SLC30A10: variants seen among roughly 807,000 people sequenced by gnomAD.
The protein encoded by SLC30A10 is solute carrier family 30 member 10, also known as calcium/manganese antiporter SLC30A10.
SLC30A10 carries 8 observed loss-of-function variants against 21.7 expected under a neutral mutation model. The ratio of observed to expected loss-of-function variants is 0.37; its 90% CI spans 0.22 to 0.67. The LOEUF (loss-of-function observed/expected upper bound fraction) is 0.67, where lower values mean the gene tolerates loss of function less well. Ranked by LOEUF, SLC30A10 falls within the 30% of genes least tolerant of loss-of-function variation. SLC30A10 has a pLI of 0.58. For synonymous variants in SLC30A10, 272 were observed against 279.4 expected (o/e 0.97, Z 0.26); for missense variants, 521 against 642.5 (o/e 0.81, Z 2.04).
chr1:219,957,977 A>G (rs144262332), intron 1 of SLC30A10, among the ~76,000 whole-genome samples: 50 of 152,334 alleles, frequency 3.3e-4, no homozygotes, highest in African/African-American at 1.1e-3. Flanking sequence ...TGCAATAAAT[A>G]AGTGCAAATT....
Position 219,927,933 on chromosome 1 carries a change from G to A in SLC30A10, c.508C>T (p.Pro170Ser). ...CGCCGCGGGTCCTCCGCGCCCTGAG[G>A]CCCCCCGAAAGCGCCGGGGACACAG... ...EGCVPGAFGG[P>S]QGAEDPRRAA... The change falls in exon 1 of 4, where the codon CCT becomes TCT. Residue 170 changes from proline to serine, a missense_variant. By Grantham distance (74) the Pro-to-Ser change is moderately conservative. Transcript: ENST00000366926. The A allele has an allele frequency of 6.5e-7, 1 of 1,537,748 alleles. No individual in the cohort carries two copies. The highest frequency in any genetic ancestry group is 8.8e-7 in the Non-Finnish European group (1 of 1,142,034).
rs539710374 is a variant in SLC30A10 at position 219,915,012 on chromosome 1, G to A, written c.*437C>T. 6.4e-6 allele frequency: 1 copy of A among 156,854 alleles called. No homozygotes were observed. Among genetic ancestry groups the A allele is most frequent in the South Asian group, 2.0e-4 (1 of 5,066 alleles). The allele number at this position is 156,854 out of a possible 1,614,324, so 9.7% of individuals were successfully genotyped here. A position where few individuals can be genotyped will look rare whatever the true frequency, so the allele number is the denominator to read the frequency against. ...CTCTTTTATGATCGTTAAGGGGATT[G>A]GGAAAAATACAGCTATTGTGGTACT... On this transcript the variant is annotated 3_prime_UTR_variant, in exon 4 of 4. Coordinates refer to ENST00000366926, the MANE Select transcript of SLC30A10 (RefSeq NM_018713.3).
Position 219,927,940 on chromosome 1 carries a change from G to A in SLC30A10, c.501C>T (p.Phe167=), listed in dbSNP as rs1659884423. The A allele has an allele frequency of 9.8e-6, 15 of 1,537,966 alleles. No individual in the cohort carries two copies. Among genetic ancestry groups the A allele is most frequent in the Non-Finnish European group, 1.3e-5 (15 of 1,142,158 alleles). The change falls in exon 1 of 4, where the codon TTC becomes TTT. Residue 167 remains phenylalanine (F), a synonymous_variant. Transcript: ENST00000366926. ...QLAEGCVPGA[F]GGPQGAEDPR... ...GGTCCTCCGCGCCCTGAGGCCCCCCGAAAGCGCCGGGGACACAGCCCTCCG... is the reference window on the plus strand; with the variant it reads ...GGTCCTCCGCGCCCTGAGGCCCCCCAAAAGCGCCGGGGACACAGCCCTCCG...
At chr1:219,930,142 G>A (rs1558255740), upstream of SLC30A10, among the ~76,000 whole-genome samples, 4 of 151,404 alleles carry the variant, frequency 2.6e-5, no homozygotes, top group Non-Finnish European at 5.9e-5. Flanking sequence ...GAATACAAAT[G>A]TCTTATTCCA....
intron 1 of SLC30A10, among the ~76,000 whole-genome samples, chr1:219,942,116 C>A (rs1053864512): frequency 6.6e-6 from 1 of 152,182 alleles, no homozygotes; most frequent in African/African-American, 2.4e-5. Flanking sequence ...TATAACTGTT[C>A]TAGCTCTGGG....
chr1:219,951,065 A>T (rs1047697517), intron 1 of SLC30A10, among the ~76,000 whole-genome samples: 2 of 152,172 alleles, frequency 1.3e-5, no homozygotes, highest in Non-Finnish European at 2.9e-5. Context: ...GGCTCAGGTG[A>T]TCCTCCCACC....
Position 219,922,492 on chromosome 1 carries a change from G to A in SLC30A10, c.719-3998C>T, listed in dbSNP as rs541689038. On this transcript the variant is annotated intron_variant, in intron 2 of 3. Coordinates refer to ENST00000366926, the MANE Select transcript of SLC30A10 (RefSeq NM_018713.3). ...GGCATTTCAGACAGAAACACCTCAC[G>A]GGAGACTCGTGGGAAACTGAAGATG... Among the ~76,000 whole-genome samples, 5 of 152,002 alleles carry A rather than the reference G, an allele frequency of 3.3e-5. No individual in the cohort carries two copies. The East Asian group carries it at 7.8e-4, about 24-fold the overall frequency.
chr1:219,954,305 T>A (rs17006899), intron 1 of SLC30A10, among the ~76,000 whole-genome samples: 5,031 of 151,636 alleles, frequency 0.033, 225 homozygotes, highest in African/African-American at 0.096. Context: ...CTCTAGCGAG[T>A]TGGTTGGAGA....
intron 1 of SLC30A10, among the ~76,000 whole-genome samples, chr1:219,954,301 C>T (rs530675095): frequency 5.3e-5 from 8 of 151,942 alleles, no homozygotes; most frequent in African/African-American, 1.7e-4. Flanking sequence ...CTGCCTCTAG[C>T]GAGTTGGTTG....
At chr1:219,951,322 A>C (rs1332042076) in intron 1 of SLC30A10, among the ~76,000 whole-genome samples, 1 of 152,074 alleles carries the variant, frequency 6.6e-6, no homozygotes, top group Non-Finnish European at 1.5e-5. Flanking sequence ...GTGCTTAAGT[A>C]TCTTTTCCAG....
chr1:219,947,317 G>A (rs972114898), intron 1 of SLC30A10, among the ~76,000 whole-genome samples: 5 of 152,108 alleles, frequency 3.3e-5, no homozygotes, highest in African/African-American at 1.2e-4. Context: ...TTGCTTGAGG[G>A]CAGGAGTTCG....
chr1:219,917,393 T>C (rs1659568938), intron 3 of SLC30A10, among the ~76,000 whole-genome samples: 2 of 152,138 alleles, frequency 1.3e-5, no homozygotes, highest in Admixed American at 1.3e-4. Context: ...ATTTCCTCAA[T>C]TGGGAAATGA....
At chr1:219,927,777 C>A (rs2102534932) in intron 1 of SLC30A10, 24 bp downstream of exon 1, 1 of 1,520,962 alleles carries the variant, frequency 6.6e-7, no homozygotes, top group South Asian at 1.2e-5. Flanking sequence ...GCCAAGCGGT[C>A]CAAAGGATGC....
chr1:219,947,819 A>G (rs1660210604), intron 1 of SLC30A10, among the ~76,000 whole-genome samples: 1 of 152,152 alleles, frequency 6.6e-6, no homozygotes, highest in South Asian at 2.1e-4. Flanking sequence ...AACCAATAAG[A>G]GAGAAACTCC....
intron 1 of SLC30A10, among the ~76,000 whole-genome samples, chr1:219,950,700 G>A (rs772852530): frequency 5.3e-5 from 8 of 151,538 alleles, no homozygotes; most frequent in Non-Finnish European, 1.2e-4. Flanking sequence ...CCATGATCCC[G>A]GTACTTTGGG....
chr1:219,956,676 AAG>A (rs1425408773), intron 1 of SLC30A10, among the ~76,000 whole-genome samples: 3 of 151,672 alleles, frequency 2.0e-5, no homozygotes, highest in South Asian at 2.1e-4. Context: ...AAAAAAAAAA[AAG>A]AAGAAAAGAA....
chr1:219,958,208 G>A (rs1447464736), intron 1 of SLC30A10, among the ~76,000 whole-genome samples: 1 of 151,766 alleles, frequency 6.6e-6, no homozygotes, highest in Admixed American at 6.6e-5. Flanking sequence ...GTCACATATG[G>A]GTAAACAACA....
intron 1 of SLC30A10, among the ~76,000 whole-genome samples, chr1:219,943,420 T>C (rs1292728521): frequency 1.3e-5 from 2 of 152,148 alleles, no homozygotes; most frequent in African/African-American, 2.4e-5. Flanking sequence ...AGTGGGAAAC[T>C]TGGACTTCCA....
At chr1:219,922,176 GTTTTTTTTTTTTTTTTTTTTT>G (rs869249213) in intron 2 of SLC30A10, among the ~76,000 whole-genome samples, 9 of 36,452 alleles carry the variant, frequency 2.5e-4, no homozygotes, top group African/African-American at 8.9e-4. Context: ...GTGTGTGTGT[GTTTTTTTTTTTTTTTTTTTTT>G]TTTTTTTTTT....
Sources: allele counts gnomAD v4.1 joint callset (sites outside exome capture counted in the v4.1 genomes callset), GRCh38; gene constraint gnomAD v4.1.1; transcripts MANE v1.5; gene names NCBI Gene and HGNC (gene_info 2026-07-23, HGNC 2026-07-21).